Variants in PDX1 observed in about 807,000 individuals in gnomAD.
PDX1 encodes the protein pancreas/duodenum homeobox protein 1.
In PDX1, 7 loss-of-function variants were observed where a neutral mutation model predicts 11.1. That is an observed-to-expected ratio of 0.63 (90% CI 0.36 to 1.19). The LOEUF (loss-of-function observed/expected upper bound fraction) is 1.19, where lower values mean the gene tolerates loss of function less well. Among genes scored for constraint, PDX1 ranks in the 50% most tolerant of loss-of-function variants. PDX1 has a pLI of 0.02. For missense variants in PDX1, 449 were observed against 412.1 expected (o/e 1.09, Z -0.78); for synonymous variants, 232 against 196.2 (o/e 1.18, Z -1.53).
rs137852784 is a variant in PDX1 at position 27,920,314 on chromosome 13, A to T, written c.176A>T (p.Gln59Leu). The T allele has an allele frequency of 6.5e-6, 10 of 1,540,744 alleles. No individual in the cohort carries two copies. The highest frequency in any genetic ancestry group is 1.9e-4 in the Middle Eastern group (1 of 5,134). ...PFPGALGALE[Q>L]GSPPDISPYE... is the part of the protein sequence containing the mutation. ...CCTGGCGCCCTGGGCGCGCTGGAGCAGGGCAGCCCCCCGGACATCTCCCCG... is the reference window on the plus strand; with the variant it reads ...CCTGGCGCCCTGGGCGCGCTGGAGCTGGGCAGCCCCCCGGACATCTCCCCG... Residue 59 changes from glutamine (Q) to leucine (L), a missense_variant, in exon 1 of 2, where the codon CAG (glutamine) becomes CTG (leucine). By Grantham distance (113) the Gln-to-Leu change is moderately radical. Transcript: ENST00000381033.
rs1342596411 is a variant in PDX1, at chr13:27,924,863, G to C, written c.*162G>C. 5.2e-6 allele frequency: 3 copies of C among 579,606 alleles called. No homozygotes were observed. The allele number at this position is 579,606 out of a possible 1,614,324, so 35.9% of individuals were successfully genotyped here. On this transcript the variant is annotated 3_prime_UTR_variant, in exon 2 of 2. Coordinates refer to ENST00000381033, the MANE Select transcript of PDX1 (RefSeq NM_000209.4). This position sits in a 1 kb window ranked among gnomAD's most constrained non-coding sequence, Gnocchi z 4.8. ...AAGGGGAAAACCCGCTCTCTCAGGC[G>C]CATGTGCCAGTTGGGGCCCCGCGGG...
At position 27,925,555 on chromosome 13, in the gene PDX1, C is replaced by CTCCTCCTCTTCTTCTCCCTCCTCT. The variant is rs371209265; in HGVS notation, c.*862_*863insTTCTTCTCCCTCCTCTTCCTCCTC. 3.0e-3 allele frequency: 516 copies of CTCCTCCTCTTCTTCTCCCTCCTCT among 174,246 alleles called. 7 individuals are homozygous for CTCCTCCTCTTCTTCTCCCTCCTCT. The highest frequency in any genetic ancestry group is 0.018 in the African/African-American group (490 of 26,672). 10.8% of individuals were successfully genotyped at this position (174,246 alleles called of 1,614,324 possible). A position where few individuals can be genotyped will look rare whatever the true frequency, so the allele number is the denominator to read the frequency against. On this transcript the variant is annotated 3_prime_UTR_variant, in exon 2 of 2. Coordinates refer to ENST00000381033, the MANE Select transcript of PDX1 (RefSeq NM_000209.4). Reference sequence around the variant, plus strand: ...GCTCCCCTTCTTCCCCGTCCTCTTCCTCCTCCTCCTCTTCTTCTCCCTCCT... The same window carrying CTCCTCCTCTTCTTCTCCCTCCTCT: ...GCTCCCCTTCTTCCCCGTCCTCTTCCTCCTCCTCTTCTTCTCCCTCCTCTTCCTCCTCCTCTTCTTCTCCCTCCT...
At chr13:27,923,705 G>A (rs1304893051) in intron 1 of PDX1, among the ~76,000 whole-genome samples, 3 of 152,194 alleles carry the variant, frequency 2.0e-5, no homozygotes, top group Admixed American at 6.5e-5. Context: ...AGCAGATAAT[G>A]GAGAGAAAAG....
Position 27,920,352 on chromosome 13 carries a change from C to G in PDX1, c.214C>G (p.Pro72Ala). The G allele has an allele frequency of 6.5e-7, 1 of 1,542,350 alleles. No homozygotes were observed. Among genetic ancestry groups the G allele is most frequent in the Non-Finnish European group, 8.8e-7 (1 of 1,142,016 alleles). ...GGACATCTCCCCGTACGAGGTGCCC[C>G]CCCTCGCCGACGACCCCGCGGTGGC... The part of the protein sequence containing the change: ...PPDISPYEVP[P>A]LADDPAVAHL... The change falls in exon 1 of 2, where the codon CCC becomes GCC. Residue 72 changes from proline to alanine, a missense_variant. By Grantham distance (27) the Pro-to-Ala change is conservative. Transcript: ENST00000381033.
Position 27,925,661 on chromosome 13 carries a change from C to A in PDX1, c.*960C>A. 5.1e-6 allele frequency: 1 copy of A among 194,302 alleles called. No homozygotes were observed. The highest frequency in any genetic ancestry group is 9.0e-5 in the South Asian group (1 of 11,170). The allele number at this position is 194,302 out of a possible 1,614,324, so 12.0% of individuals were successfully genotyped here. ...TCCCCTTCTCATCCCTCCTCTTCCT[C>A]TTCTCTAGCTGCACACTTCACTACT... On this transcript the variant is annotated 3_prime_UTR_variant, in exon 2 of 2. Transcript: ENST00000381033.
intron 1 of PDX1, among the ~76,000 whole-genome samples, chr13:27,923,544 T>C (rs1481820465): frequency 6.6e-6 from 1 of 152,186 alleles, no homozygotes; most frequent in Non-Finnish European, 1.5e-5. Flanking sequence ...CTAATTACGA[T>C]ATAACTATAG....
chr13:27,924,237 C>A lies in PDX1; in HGVS notation c.407-19C>A, dbSNP rs778901831. 10 of 1,569,318 alleles carry A rather than the reference C, an allele frequency of 6.4e-6. No individual in the cohort carries two copies. The highest frequency in any genetic ancestry group is 8.6e-6 in the Non-Finnish European group (10 of 1,159,070). On this transcript the variant is annotated intron_variant, in intron 1 of 1. Transcript: ENST00000381033. This position sits in a 1 kb window ranked among gnomAD's most constrained non-coding sequence, Gnocchi z 4.8. ...TGCGGGGCTCCGGGGGCCACACTCA[C>A]GCCCTGTGTCGCCCGCAGGCGGCGC...
chr13:27,922,575 A>G (rs1012027551), intron 1 of PDX1, among the ~76,000 whole-genome samples: 15 of 152,232 alleles, frequency 9.9e-5, no homozygotes, highest in Non-Finnish European at 1.5e-5. Flanking sequence ...AGCGCTGTCC[A>G]GCTGGCACCT....
chr13:27,920,103 CTCCCGGCTCCCGGT>C lies in PDX1; in HGVS notation c.-35_-22del, dbSNP rs1299591379. ...CCAGCTCCCGACTCCCGGCTCCCGG[CTCCCGGCTCCCGGT>C]GCCCAATCCCGGGCCGCAGCCATGA... On this transcript the variant is annotated 5_prime_UTR_variant, in exon 1 of 2. Coordinates refer to ENST00000381033, the MANE Select transcript of PDX1 (RefSeq NM_000209.4). The C allele has an allele frequency of 4.7e-5, 73 of 1,548,518 alleles. 1 individual carries two copies. In the Admixed American group the frequency reaches 6.5e-4, roughly 14 times the overall value.
intron 1 of PDX1, among the ~76,000 whole-genome samples, chr13:27,922,108 C>G (rs533290633): frequency 3.2e-4 from 48 of 152,316 alleles, no homozygotes; most frequent in African/African-American, 1.1e-3. Context: ...ATCAGGGTCC[C>G]GAAAGAGGAT....
intron 1 of PDX1, among the ~76,000 whole-genome samples, chr13:27,923,965 G>C (rs73169687): frequency 9.9e-5 from 15 of 152,280 alleles, no homozygotes; most frequent in African/African-American, 3.4e-4. Context: ...GATTATATGA[G>C]CGCATTCAAG....
At position 27,920,435 on chromosome 13, in the gene PDX1, C is replaced by T; in HGVS notation, c.297C>T (p.Pro99=). The stretch of plus-strand genomic sequence containing the variant: ...CGCTCCCCCACCCGCCCGCCGGGCC[C>T]TTCCCGGAGGGAGCCGAGCCGGGCG... ...QLALPHPPAG[P]FPEGAEPGVL... is the part of the protein sequence containing the mutation. The change falls in exon 1 of 2, where the codon CCC becomes CCT. Residue 99 remains proline (P), a synonymous_variant. Coordinates refer to ENST00000381033, the MANE Select transcript of PDX1 (RefSeq NM_000209.4). The T allele has an allele frequency of 6.3e-7, 1 of 1,581,802 alleles. No homozygotes were observed. The highest frequency in any genetic ancestry group is 8.6e-7 in the Non-Finnish European group (1 of 1,164,106).
chr13:27,924,549 G>A lies in PDX1; in HGVS notation c.700G>A (p.Glu234Lys), dbSNP rs751645380. The A allele has an allele frequency of 3.8e-6, 6 of 1,572,868 alleles. No homozygotes were observed. In the South Asian group the frequency reaches 5.7e-5, roughly 15 times the overall value. The change falls in exon 2 of 2, where the codon GAG becomes AAG. Residue 234 changes from glutamate to lysine, a missense_variant. Glu to Lys is a moderately conservative substitution (Grantham distance 56, BLOSUM62 1). Transcript: ENST00000381033. This position sits in a 1 kb window ranked among gnomAD's most constrained non-coding sequence, Gnocchi z 4.8. ...GGACTGCGCCGTGACCTCCGGCGAG[G>A]AGCTTCTGGCGCTGCCGCCGCCGCC... ...EQDCAVTSGE[E>K]LLALPPPPPP...
In PDX1 at chr13:27,924,349, TCAA is replaced by T; in HGVS notation, c.504_506del (p.Asn168del). 6.2e-7 allele frequency: 1 copy of T among 1,612,592 alleles called. No homozygotes were observed. The highest frequency in any genetic ancestry group is 8.5e-7 in the Non-Finnish European group (1 of 1,179,926). ...CTAGAGCTGGAGAAGGAGTTCCTAT[TCAA>T]CAAGTACATCTCACGGCCGCGCCGG... On this transcript the variant is annotated inframe_deletion, in exon 2 of 2. Transcript: ENST00000381033. This position sits in a 1 kb window ranked among gnomAD's most constrained non-coding sequence, Gnocchi z 4.8.
At chr13:27,922,736 C>T (rs1169273661) in intron 1 of PDX1, among the ~76,000 whole-genome samples, 2 of 152,202 alleles carry the variant, frequency 1.3e-5, no homozygotes, top group Non-Finnish European at 2.9e-5. Context: ...TGAGCAGTCT[C>T]TCGCAGGGAC....
intron 1 of PDX1, among the ~76,000 whole-genome samples, chr13:27,921,627 G>T (rs1366571234): frequency 1.3e-5 from 2 of 152,170 alleles, no homozygotes; most frequent in East Asian, 3.9e-4. Context: ...AATCCTCAGC[G>T]CCCATCTGCG....
chr13:27,924,622 A>G lies in PDX1; in HGVS notation c.773A>G (p.Glu258Gly), dbSNP rs193922360. Residue 258 changes from glutamate (E) to glycine (G), a missense_variant, in exon 2 of 2, where the codon GAG becomes GGG. Around this residue, in one of 3 missense-constraint regions of PDX1, gnomAD observed 139 missense variants for 121.4 expected, o/e 1.14. Transcript: ENST00000381033. The surrounding 1 kb of genome is among the most constrained non-coding windows in gnomAD (Gnocchi z 4.8). The stretch of plus-strand genomic sequence containing the variant: ...CCCGCTGCCCCCGTTGCCGCCCGAG[A>G]GGGCCGCCTGCCGCCTGGCCTTAGC... ...VPPAAPVAAR[E>G]GRLPPGLSAS... 11 of 1,471,546 alleles carry G rather than the reference A, an allele frequency of 7.5e-6. No homozygotes were observed. The highest frequency in any genetic ancestry group is 7.3e-5 in the Admixed American group (3 of 40,882). 91.2% of individuals were successfully genotyped at this position (1,471,546 alleles called of 1,614,324 possible). A position where few individuals can be genotyped will look rare whatever the true frequency, so the allele number is the denominator to read the frequency against.
Position 27,924,729 on chromosome 13 carries a change from G to A in PDX1, c.*28G>A. ...GGCAGGAGCTGCTCCTGGCTGAGGG[G>A]CTTCAACCACTCGCCGAGGAGGAGC... is the stretch of plus-strand genomic sequence containing the variant. On this transcript the variant is annotated 3_prime_UTR_variant, in exon 2 of 2. Transcript: ENST00000381033. The surrounding 1 kb of genome is among the most constrained non-coding windows in gnomAD (Gnocchi z 4.8). 2 of 1,437,198 alleles carry A rather than the reference G, an allele frequency of 1.4e-6. No individual in the cohort carries two copies. Among genetic ancestry groups the A allele is most frequent in the Non-Finnish European group, 1.8e-6 (2 of 1,098,398 alleles). The allele number at this position is 1,437,198 out of a possible 1,614,324, so 89.0% of individuals were successfully genotyped here. A position where few individuals can be genotyped will look rare whatever the true frequency, so the allele number is the denominator to read the frequency against.
chr13:27,924,286 A>G lies in PDX1; in HGVS notation c.437A>G (p.Asn146Ser). ...GCCTACGCTGCGGAGCCGGAGGAGA[A>G]CAAGCGGACGCGCACGGCCTACACG... ...GGAYAAEPEE[N>S]KRTRTAYTRA... The change falls in exon 2 of 2, where the codon AAC becomes AGC. Residue 146 changes from asparagine (N) to serine (S), a missense_variant. Physicochemically the swap from Asn to Ser is conservative, Grantham distance 46. Transcript: ENST00000381033. The surrounding 1 kb of genome is among the most constrained non-coding windows in gnomAD (Gnocchi z 4.8). 7 of 1,609,258 alleles carry G rather than the reference A, an allele frequency of 4.3e-6. No homozygotes were observed. Among genetic ancestry groups the G allele is most frequent in the Non-Finnish European group, 5.9e-6 (7 of 1,177,958 alleles).
Sources: allele counts gnomAD v4.1 joint callset (sites outside exome capture counted in the v4.1 genomes callset), GRCh38; gene constraint gnomAD v4.1.1; regional missense constraint gnomAD v4.1.1; non-coding constraint Gnocchi (gnomAD v3.1); transcripts MANE v1.5; gene names NCBI Gene and HGNC (gene_info 2026-07-23, HGNC 2026-07-21).